The following ANO3 variants were observed in gnomAD, a reference collection of about 807,000 sequenced individuals.
ANO3 encodes anoctamin 3.
ANO3 carries 99 observed loss-of-function variants against 144.8 expected under a neutral mutation model. That is an observed-to-expected ratio of 0.68 (90% CI 0.58 to 0.81). ANO3 has a LOEUF of 0.81. Ranked by LOEUF, ANO3 falls within the 30% of genes least tolerant of loss-of-function variation. The pLI is 0.00. For missense variants in ANO3, 905 were observed against 1,202.2 expected, an observed-to-expected ratio of 0.75 and a Z score of 3.66; for synonymous variants, 414 against 392.6, an observed-to-expected ratio of 1.05 and a Z score of -0.64.
intron 14 of ANO3, among the ~76,000 whole-genome samples, chr11:26,581,774 T>C (rs1173165461): frequency 6.6e-6 from 1 of 151,326 alleles, no homozygotes; most frequent in Non-Finnish European, 1.5e-5. Flanking sequence ...GAAAGTATCA[T>C]GTGGAAACTG....
chr11:26,432,040 CT>C (rs1380896365), intron 1 of ANO3, among the ~76,000 whole-genome samples: 1 of 152,070 alleles, frequency 6.6e-6, no homozygotes, highest in East Asian at 1.9e-4. Context: ...AGAAGTGTTT[CT>C]TTTTCTCCAC....
chr11:26,524,628 T>C (rs1364542694), intron 6 of ANO3, among the ~76,000 whole-genome samples: 1 of 152,192 alleles, frequency 6.6e-6, no homozygotes, highest in Non-Finnish European at 1.5e-5. Flanking sequence ...AACATGAGCA[T>C]GTAGAGAAAA....
At chr11:26,440,560 T>G (rs941826932) in intron 1 of ANO3, among the ~76,000 whole-genome samples, 56 of 152,142 alleles carry the variant, frequency 3.7e-4, no homozygotes, top group African/African-American at 1.3e-3. Flanking sequence ...AGAGGAAACA[T>G]GAAGAATGAA....
intron 11 of ANO3, among the ~76,000 whole-genome samples, chr11:26,542,975 G>A (rs1229692066): frequency 1.3e-5 from 2 of 152,044 alleles, no homozygotes; most frequent in Non-Finnish European, 2.9e-5. Context: ...GACACTGAAA[G>A]GGGTACTTGT....
intron 1 of ANO3, among the ~76,000 whole-genome samples, chr11:26,384,898 C>T (rs1395632059): frequency 6.6e-6 from 1 of 152,188 alleles, no homozygotes; most frequent in East Asian, 1.9e-4. Context: ...TTTCTGTGAA[C>T]ATTTACCTTG....
At chr11:26,295,482 G>A (rs1438470332) in intron 1 of ANO3, among the ~76,000 whole-genome samples, 18 of 133,646 alleles carry the variant, frequency 1.3e-4, no homozygotes, top group African/African-American at 4.9e-4. Flanking sequence ...CTGAGATAGC[G>A]CCCAGCCTGG....
chr11:26,633,882 C>G (rs1176745175), intron 18 of ANO3, among the ~76,000 whole-genome samples: 1 of 151,786 alleles, frequency 6.6e-6, no homozygotes, highest in African/African-American at 2.4e-5. Context: ...TCGAGACCAC[C>G]GTGGCGAACA....
chr11:26,355,605 G>T (rs1197039799), intron 1 of ANO3, among the ~76,000 whole-genome samples: 1 of 150,288 alleles, frequency 6.7e-6, no homozygotes, highest in African/African-American at 2.5e-5. Context: ...CTTTGCCCAG[G>T]ATGGAGTGCA....
At chr11:26,314,893 C>T (rs1048109068) in intron 1 of ANO3, among the ~76,000 whole-genome samples, 3 of 152,078 alleles carry the variant, frequency 2.0e-5, no homozygotes, top group Non-Finnish European at 4.4e-5. Context: ...AATCAACCTC[C>T]CAAACTGAGA....
At chr11:26,334,081 C>T (rs961601648) in intron 1 of ANO3, among the ~76,000 whole-genome samples, 2 of 152,142 alleles carry the variant, frequency 1.3e-5, no homozygotes, top group African/African-American at 4.8e-5. Flanking sequence ...ACTGTAGGTC[C>T]GACCGTCATT....
At chr11:26,534,826 C>T (rs890809761) in intron 9 of ANO3, among the ~76,000 whole-genome samples, 1 of 152,106 alleles carries the variant, frequency 6.6e-6, no homozygotes, top group Non-Finnish European at 1.5e-5. Flanking sequence ...AATTTATCCC[C>T]CTCAAATAAT....
chr11:26,588,023 T>A (rs1406937880), intron 14 of ANO3, among the ~76,000 whole-genome samples: 3 of 151,922 alleles, frequency 2.0e-5, no homozygotes, highest in Non-Finnish European at 4.4e-5. Context: ...ATCTTTTTAA[T>A]CACTGATTAT....
chr11:26,538,908 G>A (rs1849576223), intron 10 of ANO3, among the ~76,000 whole-genome samples: 1 of 152,092 alleles, frequency 6.6e-6, no homozygotes, highest in Non-Finnish European at 1.5e-5. Flanking sequence ...TTATTAGGAG[G>A]AAAGTGGAGT....
chr11:26,328,106 G>T (rs1854936299), upstream of ANO3, among the ~76,000 whole-genome samples: 1 of 152,132 alleles, frequency 6.6e-6, no homozygotes, highest in African/African-American at 2.4e-5. Flanking sequence ...CTCAGAGAAG[G>T]TTGAGGCTGC....
At chr11:26,522,572 A>C (rs771150930) in intron 6 of ANO3, among the ~76,000 whole-genome samples, 2 of 152,240 alleles carry the variant, frequency 1.3e-5, no homozygotes, top group Non-Finnish European at 2.9e-5. Flanking sequence ...AGCACCGTAC[A>C]TGAACAGTAG....
intron 12 of ANO3, among the ~76,000 whole-genome samples, chr11:26,550,268 T>C (rs935969196): frequency 1.3e-5 from 2 of 151,890 alleles, no homozygotes; most frequent in Non-Finnish European, 2.9e-5. Context: ...TTAATAAATA[T>C]TTATTAGTGA....
At chr11:26,373,291 G>A (rs1856313852) in intron 1 of ANO3, among the ~76,000 whole-genome samples, 2 of 152,152 alleles carry the variant, frequency 1.3e-5, no homozygotes, top group Non-Finnish European at 2.9e-5. Context: ...GGATCATGGG[G>A]ACGGTTCCCC....
At chr11:26,298,827 C>A (rs1169095118) in intron 1 of ANO3, among the ~76,000 whole-genome samples, 1 of 152,086 alleles carries the variant, frequency 6.6e-6, no homozygotes, top group African/African-American at 2.4e-5. Flanking sequence ...ATAGAAGAGT[C>A]AAGATTTTTG....
chr11:26,504,668 A>G (rs1306135823), intron 4 of ANO3, among the ~76,000 whole-genome samples: 1 of 152,212 alleles, frequency 6.6e-6, no homozygotes, highest in Non-Finnish European at 1.5e-5. Context: ...TATCTCATCT[A>G]TAATGTCGAG....
Sources: allele counts gnomAD v4.1 joint callset (sites outside exome capture counted in the v4.1 genomes callset), GRCh38; gene constraint gnomAD v4.1.1; transcripts MANE v1.5; gene names NCBI Gene and HGNC (gene_info 2026-07-23, HGNC 2026-07-21).